Variants in VTI1A observed in about 807,000 individuals in gnomAD.
The protein encoded by VTI1A is vesicle transport through interaction with t-SNAREs homolog 1A.
VTI1A carries 22 observed loss-of-function variants against 34.9 expected under a neutral mutation model. That is an observed-to-expected ratio of 0.63 (90% CI 0.45 to 0.90). VTI1A has a LOEUF of 0.90. Ranked by LOEUF, VTI1A falls within the 40% of genes least tolerant of loss-of-function variation. VTI1A has a pLI of 0.00. For synonymous variants in VTI1A, 87 were observed against 97.3 expected (o/e 0.89, Z 0.62); for missense variants, 268 against 275.6 (o/e 0.97, Z 0.20).
At chr10:112,821,777 G>C (rs1429000451), downstream of VTI1A, among the ~76,000 whole-genome samples, 3 of 152,214 alleles carry the variant, frequency 2.0e-5, no homozygotes, top group Admixed American at 2.0e-4. Context: ...ATCAGCCGCA[G>C]GCTGGGAGAC....
rs534518704 is a variant in VTI1A at position 112,706,122 on chromosome 10, A to T, written c.560+37124A>T. Among the ~76,000 whole-genome samples the T allele has an allele frequency of 1.3e-4, 20 of 152,246 alleles. No homozygotes were observed. In the East Asian group the frequency reaches 3.9e-3, roughly 29 times the overall value. On this transcript the variant is annotated intron_variant, in intron 7 of 7. Transcript: ENST00000393077. ...TAGCCAATATTTGAAAATGACTACA[A>T]ATCATGTGCCTCTCCCACGTCCTCA...
intron 1 of VTI1A, 61 bp downstream of exon 1, chr10:112,447,528 G>T: frequency 6.4e-7 from 1 of 1,564,078 alleles, no homozygotes; most frequent in South Asian, 1.1e-5. Context: ...GCGGGCGGTG[G>T]AACGCCGCCC....
chr10:112,507,315 C>G (rs1198722249), intron 3 of VTI1A, among the ~76,000 whole-genome samples: 3 of 152,144 alleles, frequency 2.0e-5, no homozygotes, highest in Non-Finnish European at 4.4e-5. Flanking sequence ...CTTTTTGGGT[C>G]TCTGGCAAGT....
chr10:112,853,236 G>A, the VTI1A span, among the ~76,000 whole-genome samples: 2 of 152,182 alleles, frequency 1.3e-5, no homozygotes, highest in African/African-American at 4.8e-5. Flanking sequence ...CAGTGACCAT[G>A]TCTGTGAGCT....
intron 3 of VTI1A, among the ~76,000 whole-genome samples, chr10:112,478,114 T>C (rs1472209578): frequency 6.6e-6 from 1 of 152,200 alleles, no homozygotes; most frequent in Non-Finnish European, 1.5e-5. Flanking sequence ...CTATTTATAC[T>C]TCAAAAATAT....
intron 7 of VTI1A, among the ~76,000 whole-genome samples, chr10:112,774,751 A>G (rs987062434): frequency 6.6e-6 from 1 of 152,188 alleles, no homozygotes; most frequent in Non-Finnish European, 1.5e-5. Context: ...CCTGGAAACC[A>G]TTTAGAAGAG....
At chr10:112,791,833 C>CTTTTTTTTTTT (rs10664072) in intron 7 of VTI1A, among the ~76,000 whole-genome samples, 2 of 148,502 alleles carry the variant, frequency 1.3e-5, no homozygotes, top group Non-Finnish European at 1.5e-5. Context: ...AACAATATAA[C>CTTTTTTTTTTT]TTTTTTTTTT....
chr10:112,663,872 G>T (rs1358709561), intron 5 of VTI1A, among the ~76,000 whole-genome samples: 1 of 152,112 alleles, frequency 6.6e-6, no homozygotes, highest in Non-Finnish European at 1.5e-5. Context: ...TTACTTCAAG[G>T]TTTTTCATCT....
chr10:112,756,289 G>A lies in VTI1A; in HGVS notation c.561-59001G>A, dbSNP rs80298583. Among the ~76,000 whole-genome samples, 357 of 152,260 alleles carry A rather than the reference G, an allele frequency of 2.3e-3. 1 individual carries two copies. The highest frequency in any genetic ancestry group is 7.7e-3 in the African/African-American group (318 of 41,548). Reference sequence around the variant, plus strand: ...AATCTTTTTCCAAAAGGGGTGGGGCGGGGCAGTGTGTTACGGCATGACTAC... The same window carrying A: ...AATCTTTTTCCAAAAGGGGTGGGGCAGGGCAGTGTGTTACGGCATGACTAC... On this transcript the variant is annotated intron_variant, in intron 7 of 7. Coordinates refer to ENST00000393077, the MANE Select transcript of VTI1A (RefSeq NM_145206.4).
Position 112,668,296 on chromosome 10 carries a change from C to T in VTI1A, c.498+8C>T. 1 of 1,610,934 alleles carries T rather than the reference C, an allele frequency of 6.2e-7. No individual in the cohort carries two copies. The highest frequency in any genetic ancestry group is 8.5e-7 in the Non-Finnish European group (1 of 1,178,196). On this transcript the variant is annotated splice_region_variant and intron_variant, in intron 6 of 7. Transcript: ENST00000393077. ...CAGCGAGCACGTGAAAGAGTAAGTA[C>T]AATTGATACAGTTTTTTCACATATT...
chr10:112,680,582 C>T (rs7906919), intron 7 of VTI1A, among the ~76,000 whole-genome samples: 66,127 of 152,084 alleles, frequency 0.43, 15,959 homozygotes, highest in African/African-American at 0.63. Flanking sequence ...ATGTTAGTCA[C>T]TGGAGATTCA....
intron 5 of VTI1A, among the ~76,000 whole-genome samples, chr10:112,579,205 A>C (rs751567175): frequency 5.9e-5 from 9 of 152,234 alleles, no homozygotes; most frequent in Non-Finnish European, 5.9e-5. Flanking sequence ...AGAGGTGGAC[A>C]CTTATGTGTG....
intron 7 of VTI1A, 51 bp downstream of exon 7, chr10:112,669,049 A>G: frequency 1.2e-6 from 2 of 1,600,350 alleles, no homozygotes; most frequent in South Asian, 2.2e-5. Flanking sequence ...TTTTTAAAAT[A>G]CTATGTTTTC....
chr10:112,552,242 C>G (rs1367880555), intron 5 of VTI1A, among the ~76,000 whole-genome samples: 1 of 152,192 alleles, frequency 6.6e-6, no homozygotes, highest in Non-Finnish European at 1.5e-5. Flanking sequence ...TAACACTGAT[C>G]CCCTGAATAT....
chr10:112,841,626 G>A, the VTI1A span, among the ~76,000 whole-genome samples: 1 of 152,176 alleles, frequency 6.6e-6, no homozygotes, highest in Admixed American at 6.5e-5. Context: ...ATCTGGAGCT[G>A]TCATCACAAA....
chr10:112,810,273 G>A (rs953865552), intron 7 of VTI1A, among the ~76,000 whole-genome samples: 3 of 151,798 alleles, frequency 2.0e-5, no homozygotes, highest in Non-Finnish European at 2.9e-5. Flanking sequence ...CATGGTGGCA[G>A]GTGCCTGTAA....
At chr10:112,765,834 G>A (rs1218172726) in intron 7 of VTI1A, among the ~76,000 whole-genome samples, 1 of 152,188 alleles carries the variant, frequency 6.6e-6, no homozygotes, top group East Asian at 1.9e-4. Flanking sequence ...CCCTACCCCA[G>A]AGTTTCTGTG....
intron 5 of VTI1A, among the ~76,000 whole-genome samples, chr10:112,594,357 A>C (rs1241573619): frequency 6.6e-6 from 1 of 152,316 alleles, no homozygotes; most frequent in South Asian, 2.1e-4. Flanking sequence ...AATTAGGAAA[A>C]GAGGAAGTCA....
chr10:112,652,131 G>A (rs1007878739), intron 5 of VTI1A, among the ~76,000 whole-genome samples: 3 of 152,212 alleles, frequency 2.0e-5, no homozygotes, highest in African/African-American at 7.2e-5. Context: ...AATGTAAAGG[G>A]ATGGAAGTAT....
Sources: allele counts gnomAD v4.1 joint callset (sites outside exome capture counted in the v4.1 genomes callset), GRCh38; gene constraint gnomAD v4.1.1; transcripts MANE v1.5; gene names NCBI Gene and HGNC (gene_info 2026-07-23, HGNC 2026-07-21).